Variants in SLC6A4 observed in about 807,000 individuals in gnomAD.
SLC6A4 encodes sodium-dependent serotonin transporter.
A neutral mutation model predicts 73.4 loss-of-function variants in SLC6A4; 22 were observed. That is an observed-to-expected ratio of 0.30 (90% CI 0.21 to 0.43). The LOEUF (loss-of-function observed/expected upper bound fraction) is 0.43. Among genes scored for constraint, SLC6A4 ranks in the 20% least tolerant of loss-of-function variants. SLC6A4 has a pLI of 1.00. For missense variants in SLC6A4, 593 were observed against 808.5 expected (o/e 0.73, Z 3.23); for synonymous variants, 270 against 315.5 (o/e 0.86, Z 1.53).
At chr17:30,223,978 A>G (rs1009141000) in intron 1 of SLC6A4, among the ~76,000 whole-genome samples, 5 of 152,170 alleles carry the variant, frequency 3.3e-5, no homozygotes, top group African/African-American at 1.2e-4. Context: ...TTACATGATG[A>G]GATGTCAACA....
At chr17:30,219,083 A>G in intron 3 of SLC6A4, 152 bp from the exon 4 acceptor site, 1 of 846,240 alleles carries the variant, frequency 1.2e-6, no homozygotes, top group Non-Finnish European at 1.9e-6. Context: ...CTCTGGTCTC[A>G]GTGCTTTGCT....
Position 30,218,791 on chromosome 17 carries a change from A to G in SLC6A4, c.478+6T>C. The stretch of plus-strand genomic sequence containing the variant: ...ACTTACCCACCCCACCGAGCCCTTC[A>G]GTTACCTTTGAAAATCGGGCAGATT... On this transcript the variant is annotated splice_donor_region_variant and intron_variant, in intron 4 of 14. Coordinates refer to ENST00000650711, the MANE Select transcript of SLC6A4 (RefSeq NM_001045.6). The G allele has an allele frequency of 3.7e-6, 6 of 1,614,030 alleles. No individual in the cohort carries two copies. Among genetic ancestry groups the G allele is most frequent in the Non-Finnish European group, 5.1e-6 (6 of 1,179,964 alleles).
intron 11 of SLC6A4, among the ~76,000 whole-genome samples, chr17:30,209,914 C>T (rs915144427): frequency 5.9e-5 from 9 of 152,118 alleles, no homozygotes; most frequent in African/African-American, 2.2e-4. Flanking sequence ...GCCCAGGATA[C>T]CAGACACATT....
At chr17:30,226,652 A>G (rs1287534190) in intron 1 of SLC6A4, among the ~76,000 whole-genome samples, 1 of 152,158 alleles carries the variant, frequency 6.6e-6, no homozygotes, top group African/African-American at 2.4e-5. Context: ...GTGAGCTGAG[A>G]TTGAGCCACT....
At chr17:30,218,393 C>CA in intron 4 of SLC6A4, 56 bp from the exon 5 acceptor site, 1 of 1,412,610 alleles carries the variant, frequency 7.1e-7, no homozygotes, top group South Asian at 1.2e-5. Context: ...GGCCCAACGG[C>CA]AAAAGGCTGA....
At chr17:30,202,287 G>C (rs927002351) in intron 14 of SLC6A4, among the ~76,000 whole-genome samples, 2 of 152,148 alleles carry the variant, frequency 1.3e-5, no homozygotes, top group African/African-American at 4.8e-5. Context: ...ACCATGCGCA[G>C]CTAATTTTTG....
chr17:30,216,837 GTTT>G (rs888920681), intron 6 of SLC6A4, among the ~76,000 whole-genome samples: 9 of 134,808 alleles, frequency 6.7e-5, no homozygotes, highest in African/African-American at 2.3e-4. Context: ...CCTGGCTATT[GTTT>G]TTTTTTGTTT....
chr17:30,210,857 A>C (rs1906363703), intron 10 of SLC6A4, among the ~76,000 whole-genome samples: 1 of 152,140 alleles, frequency 6.6e-6, no homozygotes, highest in South Asian at 2.1e-4. Context: ...GAGAGCCAGG[A>C]AACAAAATAG....
At chr17:30,219,229 G>A (rs1567820786) in intron 3 of SLC6A4, among the ~76,000 whole-genome samples, 4 of 152,282 alleles carry the variant, frequency 2.6e-5, no homozygotes, top group East Asian at 1.9e-4. Flanking sequence ...CCTGGAGAAC[G>A]CTGGGCCACT....
At chr17:30,212,996 G>A in intron 8 of SLC6A4, 129 bp from the exon 9 acceptor site, 2 of 970,214 alleles carry the variant, frequency 2.1e-6, no homozygotes, top group Non-Finnish European at 3.1e-6. Flanking sequence ...TGAACTCAAG[G>A]AACCTCAAGC....
intron 8 of SLC6A4, among the ~76,000 whole-genome samples, chr17:30,215,093 T>A (rs1325690262): frequency 6.6e-6 from 1 of 151,702 alleles, no homozygotes; most frequent in African/African-American, 2.4e-5. Flanking sequence ...CTTTCTGGAA[T>A]CTTGCTCTGT....
chr17:30,213,454 G>A (rs997053446), intron 8 of SLC6A4, among the ~76,000 whole-genome samples: 2 of 151,520 alleles, frequency 1.3e-5, no homozygotes, highest in South Asian at 2.1e-4. Context: ...AGGCGCCCAC[G>A]ACCACGCCTG....
chr17:30,211,244 G>A lies in SLC6A4; in HGVS notation c.1317+68C>T. The A allele has an allele frequency of 9.5e-7, 1 of 1,055,236 alleles. No homozygotes were observed. The highest frequency in any genetic ancestry group is 1.4e-6 in the Non-Finnish European group (1 of 690,412). The allele number at this position is 1,055,236 out of a possible 1,614,324, so 65.4% of individuals were successfully genotyped here. On this transcript the variant is annotated intron_variant, in intron 10 of 14. Transcript: ENST00000650711. This position sits in a 1 kb window ranked among gnomAD's most constrained non-coding sequence, Gnocchi z 4.0. Reference sequence around the variant, plus strand: ...ATGGCCAGGGATGGGAGGGAATTGAGTCCAGCTGAGTCCTCCTCCTTTCCT... The same window carrying A: ...ATGGCCAGGGATGGGAGGGAATTGAATCCAGCTGAGTCCTCCTCCTTTCCT...
At chr17:30,199,552 C>CT in intron 14 of SLC6A4, among the ~76,000 whole-genome samples, 1 of 152,078 alleles carries the variant, frequency 6.6e-6, no homozygotes, top group Non-Finnish European at 1.5e-5. Flanking sequence ...GGAGTTTGTT[C>CT]TTTAAGAAAT....
intron 13 of SLC6A4, 101 bp downstream of exon 13, chr17:30,207,631 A>G: frequency 1.3e-6 from 1 of 764,090 alleles, no homozygotes; most frequent in Admixed American, 2.1e-5. Flanking sequence ...TGTTGGGATT[A>G]CAAGGATGAG....
rs1446514460 is a variant in SLC6A4 at position 30,207,814 on chromosome 17, C to T, written c.1568G>A (p.Arg523Lys). ...SWFYGITQFC[R>K]DVKEMLGFSP... Reference sequence around the variant, plus strand: ...GAAGCCGAGCATTTCCTTCACGTCCCTGCAGAACTGAGTGATGCCTGGAAC... The same window carrying T: ...GAAGCCGAGCATTTCCTTCACGTCCTTGCAGAACTGAGTGATGCCTGGAAC... Residue 523 changes from arginine (R) to lysine (K), a missense_variant, in exon 13 of 15, where the codon AGG becomes AAG. Arg to Lys is a conservative substitution (Grantham distance 26). Coordinates refer to ENST00000650711, the MANE Select transcript of SLC6A4 (RefSeq NM_001045.6). The T allele has an allele frequency of 6.2e-7, 1 of 1,613,956 alleles. No homozygotes were observed. Among genetic ancestry groups the T allele is most frequent in the Non-Finnish European group, 8.5e-7 (1 of 1,179,904 alleles).
At position 30,217,307 on chromosome 17, in the gene SLC6A4, G is replaced by C. The variant is rs756755775; in HGVS notation, c.699-3C>G. ...GGTGGATCTGCAGGACGTGGCGCCT[G>C]GGGTGAAGGAGAAAGAAAGGCCCCT... is the stretch of plus-strand genomic sequence containing the variant. On this transcript the variant is annotated splice_region_variant and splice_polypyrimidine_tract_variant and intron_variant, in intron 5 of 14. Coordinates refer to ENST00000650711, the MANE Select transcript of SLC6A4 (RefSeq NM_001045.6). 6 of 1,612,820 alleles carry C rather than the reference G, an allele frequency of 3.7e-6. No homozygotes were observed. The Admixed American group carries it at 5.0e-5, about 14-fold the overall frequency.
chr17:30,233,182 C>T (rs1049361646), intron 1 of SLC6A4, among the ~76,000 whole-genome samples: 5 of 152,140 alleles, frequency 3.3e-5, no homozygotes, highest in Non-Finnish European at 5.9e-5. Context: ...TGTTTCGCTC[C>T]ACACCCACGT....
At chr17:30,213,331 C>G (rs1476033569) in intron 8 of SLC6A4, among the ~76,000 whole-genome samples, 1 of 147,534 alleles carries the variant, frequency 6.8e-6, no homozygotes, top group East Asian at 1.9e-4. Context: ...GAGACAGAGC[C>G]TTGCTCTATT....
Sources: gnomAD v4.1 joint callset for allele counts (sites outside exome capture counted in the v4.1 genomes callset) on GRCh38, gnomAD v4.1.1 for gene constraint, Gnocchi (gnomAD v3.1) non-coding constraint, MANE v1.5 for transcripts, NCBI Gene and HGNC (gene_info 2026-07-23, HGNC 2026-07-21) for gene names.